FNDC3B: variants seen among roughly 807,000 people sequenced by gnomAD.
FNDC3B encodes fibronectin type III domain containing 3B, also known as fibronectin type III domain-containing protein 3B.
In FNDC3B, 12 loss-of-function variants were observed where a neutral mutation model predicts 151.5. The ratio of observed to expected loss-of-function variants is 0.08; its 90% CI spans 0.05 to 0.13. FNDC3B has a LOEUF of 0.13. FNDC3B is among the 10% of genes least tolerant of loss of function. FNDC3B has a pLI of 1.00. For synonymous variants in FNDC3B, 528 were observed against 549.0 expected (o/e 0.96, Z 0.54); for missense variants, 1,214 against 1,505.3 (o/e 0.81, Z 3.20).
chr3:172,288,021 T>G (rs1413657044), intron 7 of FNDC3B, among the ~76,000 whole-genome samples: 1 of 152,224 alleles, frequency 6.6e-6, no homozygotes, highest in Non-Finnish European at 1.5e-5. Context: ...TCGCAGAGAA[T>G]TGGCTTCTCA....
chr3:172,177,246 A>G (rs1723642219), intron 3 of FNDC3B, among the ~76,000 whole-genome samples: 1 of 152,232 alleles, frequency 6.6e-6, no homozygotes, highest in Non-Finnish European at 1.5e-5. Context: ...ACTGTTAAGT[A>G]TTCGGATTCC....
chr3:172,116,328 A>G lies in FNDC3B; in HGVS notation c.111+3738A>G, dbSNP rs150559812. Among the ~76,000 whole-genome samples, 435 of 152,328 alleles carry G rather than the reference A, an allele frequency of 2.9e-3. 1 individual carries two copies. The highest frequency in any genetic ancestry group is 4.9e-3 in the Non-Finnish European group (333 of 68,022). On this transcript the variant is annotated intron_variant, in intron 2 of 25. Transcript: ENST00000415807. ...AAGTATACAATCATTGGAATCTGGT[A>G]TATTCACAGAATTGTACAACCTTAA...
At chr3:172,387,745 A>G (rs1735792743) in intron 25 of FNDC3B, among the ~76,000 whole-genome samples, 1 of 152,186 alleles carries the variant, frequency 6.6e-6, no homozygotes, top group Non-Finnish European at 1.5e-5. Flanking sequence ...TGGTTTATTG[A>G]GAAACTGTCG....
At chr3:172,088,136 A>G (rs1576850802) in intron 1 of FNDC3B, among the ~76,000 whole-genome samples, 1 of 151,762 alleles carries the variant, frequency 6.6e-6, no homozygotes, top group Non-Finnish European at 1.5e-5. Context: ...TGAGTGTTGT[A>G]CAGCTATTGT....
At chr3:172,317,531 T>A (rs1221042216) in intron 11 of FNDC3B, among the ~76,000 whole-genome samples, 1 of 152,152 alleles carries the variant, frequency 6.6e-6, no homozygotes, top group African/African-American at 2.4e-5. Context: ...ATTCAAACCA[T>A]AACAGTTTCT....
chr3:172,156,318 C>CTT (rs942613712), intron 3 of FNDC3B, among the ~76,000 whole-genome samples: 6 of 152,274 alleles, frequency 3.9e-5, no homozygotes, highest in African/African-American at 1.4e-4. Context: ...GTCCTCTCTC[C>CTT]TTTTTCTCAA....
chr3:172,085,200 G>A (rs189307858), intron 1 of FNDC3B, among the ~76,000 whole-genome samples: 3 of 152,174 alleles, frequency 2.0e-5, no homozygotes, highest in African/African-American at 7.2e-5. Context: ...TGGGCTTCAG[G>A]ATATGGCCTA....
intron 3 of FNDC3B, among the ~76,000 whole-genome samples, chr3:172,223,368 G>A (rs1295660172): frequency 6.6e-6 from 1 of 152,186 alleles, no homozygotes; most frequent in Non-Finnish European, 1.5e-5. Flanking sequence ...AACTATTAGT[G>A]CATATTTTTA....
intron 23 of FNDC3B, among the ~76,000 whole-genome samples, chr3:172,364,232 C>T (rs922187690): frequency 5.9e-5 from 9 of 152,232 alleles, no homozygotes; most frequent in African/African-American, 2.2e-4. Flanking sequence ...CAGGAGAGGG[C>T]TGGCAAGAAC....
At chr3:172,359,689 A>G (rs979992633) in intron 22 of FNDC3B, among the ~76,000 whole-genome samples, 2 of 152,236 alleles carry the variant, frequency 1.3e-5, no homozygotes, top group East Asian at 3.8e-4. Context: ...TCATAGAAAG[A>G]AACTCTTCTA....
At chr3:172,272,313 T>C (rs1462815491) in intron 6 of FNDC3B, among the ~76,000 whole-genome samples, 1 of 152,184 alleles carries the variant, frequency 6.6e-6, no homozygotes, top group Non-Finnish European at 1.5e-5. Context: ...TAGAACACCT[T>C]TTCTGTTCCT....
chr3:172,256,766 T>G (rs746512065), intron 6 of FNDC3B, among the ~76,000 whole-genome samples: 8 of 152,150 alleles, frequency 5.3e-5, no homozygotes, highest in Non-Finnish European at 1.0e-4. Context: ...GTTATAGAAA[T>G]AATTAGGTGA....
chr3:172,153,270 T>TGA (rs58328698), intron 3 of FNDC3B, among the ~76,000 whole-genome samples: 168 of 152,208 alleles, frequency 1.1e-3, no homozygotes, highest in African/African-American at 3.9e-3. Flanking sequence ...TGGGGAACAT[T>TGA]GAAAAACGGG....
chr3:172,387,547 C>T (rs1161441152), intron 25 of FNDC3B, among the ~76,000 whole-genome samples: 1 of 152,142 alleles, frequency 6.6e-6, no homozygotes, highest in African/African-American at 2.4e-5. Flanking sequence ...TCAAGATAGA[C>T]CTCTTTAAAA....
intron 6 of FNDC3B, among the ~76,000 whole-genome samples, chr3:172,274,951 T>TG (rs1343533664): frequency 6.6e-6 from 1 of 152,348 alleles, no homozygotes; most frequent in East Asian, 1.9e-4. Flanking sequence ...TCTGAGGCAC[T>TG]GGGGGGCCAA....
intron 3 of FNDC3B, among the ~76,000 whole-genome samples, chr3:172,202,077 C>T (rs1725183987): frequency 6.6e-6 from 1 of 152,070 alleles, no homozygotes; most frequent in Admixed American, 6.5e-5. Flanking sequence ...ATTTTGAGCT[C>T]CTTAAAAGGC....
At chr3:172,181,556 C>T (rs1027524795) in intron 3 of FNDC3B, among the ~76,000 whole-genome samples, 26 of 148,936 alleles carry the variant, frequency 1.7e-4, no homozygotes, top group African/African-American at 5.7e-4. Context: ...GGAAGCCAGG[C>T]GTGGTGGCTC....
intron 1 of FNDC3B, among the ~76,000 whole-genome samples, chr3:172,068,914 G>A (rs994583832): frequency 8.5e-5 from 13 of 152,212 alleles, no homozygotes; most frequent in African/African-American, 2.9e-4. Context: ...TGAAGAAGCA[G>A]AGGTAGTGAG....
chr3:172,270,268 C>G (rs1729134561), intron 6 of FNDC3B, among the ~76,000 whole-genome samples: 1 of 152,144 alleles, frequency 6.6e-6, no homozygotes, highest in Non-Finnish European at 1.5e-5. Context: ...GCTGTTGTTC[C>G]CTTAAAATTC....
Sources: allele counts gnomAD v4.1 joint callset (sites outside exome capture counted in the v4.1 genomes callset), GRCh38; gene constraint gnomAD v4.1.1; transcripts MANE v1.5; gene names NCBI Gene and HGNC (gene_info 2026-07-23, HGNC 2026-07-21).